COL28A1: variants seen among roughly 807,000 people sequenced by gnomAD.
The protein encoded by COL28A1 is collagen alpha-1(XXVIII) chain.
Under a neutral mutation model 150.2 loss-of-function variants are expected in COL28A1, and 161 were observed. The observed-to-expected ratio is 1.07, with a 90% CI of 0.94 to 1.22. The LOEUF is 1.22. COL28A1 is among the 50% of genes most tolerant of loss of function. The pLI, the probability that COL28A1 is intolerant of heterozygous loss-of-function variation, is 0.00. For missense variants in COL28A1, 1,617 were observed against 1,388.3 expected (o/e 1.16, Z -2.62); for synonymous variants, 552 against 469.7 (o/e 1.18, Z -2.26).
chr7:7,390,740 A>T (rs192934799), intron 27 of COL28A1, among the ~76,000 whole-genome samples: 22 of 152,196 alleles, frequency 1.4e-4, no homozygotes, highest in Admixed American at 1.0e-3. Context: ...GTGTCCAGGA[A>T]CTTATCCATT....
the COL28A1 span, among the ~76,000 whole-genome samples, chr7:7,543,127 T>C: frequency 4.6e-5 from 7 of 152,342 alleles, no homozygotes; most frequent in Admixed American, 1.3e-4. Context: ...AAATTCTATA[T>C]AGCAAACTGA....
chr7:7,429,457 GCT>G lies in COL28A1; in HGVS notation c.1998+3014_1998+3015del, dbSNP rs1311443794. ...ACACACACACTCTCTTTCTCTCTGT[GCT>G]CTGTGTGTGTGTGTGGGGGGGGGGA... is the stretch of plus-strand genomic sequence containing the variant. On this transcript the variant is annotated intron_variant, in intron 25 of 34. Transcript: ENST00000399429. Among the ~76,000 whole-genome samples the G allele has an allele frequency of 1.4e-5, 2 of 139,906 alleles. 1 individual carries two copies. Among genetic ancestry groups the G allele is most frequent in the Non-Finnish European group, 3.0e-5 (2 of 66,462 alleles). The allele number at this position is 139,906 out of a possible 152,430, so 91.8% of individuals were successfully genotyped here. A position where few individuals can be genotyped will look rare whatever the true frequency, so the allele number is the denominator to read the frequency against.
intron 27 of COL28A1, among the ~76,000 whole-genome samples, 154 bp from the exon 28 acceptor site, chr7:7,381,766 T>G (rs1227942438): frequency 6.6e-6 from 1 of 152,200 alleles, no homozygotes; most frequent in Non-Finnish European, 1.5e-5. Context: ...AATACATATG[T>G]GTATGTGTGT....
intron 33 of COL28A1, among the ~76,000 whole-genome samples, chr7:7,367,320 G>A (rs1414350973): frequency 2.0e-5 from 3 of 152,186 alleles, no homozygotes; most frequent in East Asian, 1.9e-4. Flanking sequence ...GTCATTAAAC[G>A]ATGCATGACT....
upstream of COL28A1, among the ~76,000 whole-genome samples, chr7:7,537,432 A>G (rs1371665835): frequency 1.3e-5 from 2 of 152,218 alleles, no homozygotes; most frequent in Non-Finnish European, 2.9e-5. Context: ...TCAATGTTAT[A>G]ACAAAATGAC....
intron 27 of COL28A1, among the ~76,000 whole-genome samples, chr7:7,385,076 G>A (rs985712684): frequency 6.6e-6 from 1 of 152,260 alleles, no homozygotes; most frequent in Non-Finnish European, 1.5e-5. Context: ...AGGACTGCAG[G>A]CAGCTACCTG....
chr7:7,457,839 A>G (rs1285418426), intron 15 of COL28A1, among the ~76,000 whole-genome samples: 1 of 152,190 alleles, frequency 6.6e-6, no homozygotes, highest in Non-Finnish European at 1.5e-5. Flanking sequence ...TGACCGCTGG[A>G]TTGAGTAACA....
intron 26 of COL28A1, among the ~76,000 whole-genome samples, chr7:7,419,224 T>C (rs888654452): frequency 6.6e-6 from 1 of 152,208 alleles, no homozygotes; most frequent in African/African-American, 2.4e-5. Context: ...TGAGTCACTC[T>C]TTCTGATGGG....
At chr7:7,446,002 G>A (rs202203381) in intron 18 of COL28A1, among the ~76,000 whole-genome samples, 2 of 151,976 alleles carry the variant, frequency 1.3e-5, no homozygotes, top group African/African-American at 4.8e-5. Context: ...GGGATTACAG[G>A]CATGTGCCAC....
At chr7:7,380,528 GT>G (rs1390199601) in intron 30 of COL28A1, 131 bp downstream of exon 30, 2 of 733,858 alleles carry the variant, frequency 2.7e-6, no homozygotes, top group African/African-American at 3.6e-5. Context: ...CACTGGGCTG[GT>G]AGTAGTTGAT....
intron 27 of COL28A1, among the ~76,000 whole-genome samples, chr7:7,385,793 C>A (rs1782148074): frequency 6.6e-6 from 1 of 152,152 alleles, no homozygotes; most frequent in South Asian, 2.1e-4. Flanking sequence ...ATATTCCAGG[C>A]AGCTAGATTT....
At chr7:7,399,358 G>A (rs374712940) in intron 27 of COL28A1, among the ~76,000 whole-genome samples, 3 of 152,286 alleles carry the variant, frequency 2.0e-5, no homozygotes, top group African/African-American at 7.2e-5. Flanking sequence ...TAGAGCGTGT[G>A]TCTCATAACA....
In COL28A1 at chr7:7,375,897, T is replaced by G. The variant is rs17167052; in HGVS notation, c.2323-400A>C. Among the ~76,000 whole-genome samples the G allele has an allele frequency of 6.5e-3, 983 of 152,274 alleles. 10 individuals carry two copies. The highest frequency in any genetic ancestry group is 0.023 in the African/African-American group (950 of 41,558). ...CTATATATACATTCAGTTATACAAT[T>G]TAAACCACATGTGCTGAGCAACCAA... On this transcript the variant is annotated intron_variant, in intron 30 of 34. Coordinates refer to ENST00000399429, the MANE Select transcript of COL28A1 (RefSeq NM_001037763.3).
chr7:7,367,524 T>C (rs564727569), intron 33 of COL28A1, among the ~76,000 whole-genome samples: 8 of 152,254 alleles, frequency 5.3e-5, no homozygotes, highest in African/African-American at 1.9e-4. Flanking sequence ...TGGGTCAAAG[T>C]TCCCCTAGAG....
the COL28A1 span, among the ~76,000 whole-genome samples, chr7:7,343,307 C>A: frequency 6.6e-6 from 1 of 152,068 alleles, no homozygotes; most frequent in South Asian, 2.1e-4. Context: ...ATGCCTCATG[C>A]CCCCTTTTTT....
chr7:7,514,047 T>G (rs1342154308), intron 8 of COL28A1, among the ~76,000 whole-genome samples: 1 of 152,212 alleles, frequency 6.6e-6, no homozygotes, highest in Admixed American at 6.5e-5. Flanking sequence ...TGACAGCTTG[T>G]ATTTTCCAAG....
intron 27 of COL28A1, among the ~76,000 whole-genome samples, chr7:7,389,113 G>A (rs1439822076): frequency 2.0e-5 from 3 of 151,016 alleles, no homozygotes; most frequent in Non-Finnish European, 4.4e-5. Flanking sequence ...TTCTTCTAGG[G>A]TTTTTTTTTA....
At chr7:7,543,271 C>G in the COL28A1 span, among the ~76,000 whole-genome samples, 2 of 152,054 alleles carry the variant, frequency 1.3e-5, no homozygotes, top group African/African-American at 4.8e-5. Flanking sequence ...ACAAGTAAGA[C>G]AAAAATGAAA....
upstream of COL28A1, among the ~76,000 whole-genome samples, chr7:7,537,507 C>T (rs902034060): frequency 3.3e-5 from 5 of 152,130 alleles, no homozygotes; most frequent in African/African-American, 1.2e-4. Flanking sequence ...TCGAATTTTT[C>T]CAAGATGGAG....
Sources: gnomAD v4.1 joint callset for allele counts (sites outside exome capture counted in the v4.1 genomes callset) on GRCh38, gnomAD v4.1.1 for gene constraint, MANE v1.5 for transcripts, NCBI Gene and HGNC (gene_info 2026-07-23, HGNC 2026-07-21) for gene names.